The following KCNQ1 variants were observed in gnomAD, a reference collection of about 807,000 sequenced individuals.
KCNQ1 encodes potassium voltage-gated channel subfamily Q member 1.
KCNQ1 carries 49 observed loss-of-function variants against 72.4 expected under a neutral mutation model. The observed-to-expected ratio is 0.68, with a 90% CI of 0.54 to 0.86. The LOEUF (loss-of-function observed/expected upper bound fraction) is 0.86. Ranked by LOEUF, KCNQ1 falls within the 40% of genes least tolerant of loss-of-function variation. KCNQ1 has a pLI of 0.00. For synonymous variants in KCNQ1, 450 were observed against 412.6 expected (o/e 1.09, Z -1.10); for missense variants, 790 against 945.1 (o/e 0.84, Z 2.15).
intron 11 of KCNQ1, chr11:2,662,998 G>A (rs1303605270): frequency 7.5e-6 from 3 of 398,654 alleles, no homozygotes; most frequent in Non-Finnish European, 1.3e-5. Context: ...GCCTGGCCTT[G>A]CAAATCACTG....
chr11:2,778,144 C>A lies in KCNQ1; in HGVS notation c.1794+107C>A, dbSNP rs1458000327. On this transcript the variant is annotated intron_variant, in intron 15 of 15. Coordinates refer to ENST00000155840, the MANE Select transcript of KCNQ1 (RefSeq NM_000218.3). ...GTGAAGCTCCTGCAGGCCTCCCCAC[C>A]TTCCCGCCAGTGCCTACTGCAGCCT... 1.8e-5 allele frequency: 20 copies of A among 1,109,098 alleles called. No homozygotes were observed. In the East Asian group the frequency reaches 4.6e-4, roughly 26 times the overall value. 68.7% of individuals were successfully genotyped at this position (1,109,098 alleles called of 1,614,324 possible).
chr11:2,847,864 C>T lies in KCNQ1; in HGVS notation c.1892C>T (p.Pro631Leu), dbSNP rs1432436411. 2.5e-6 allele frequency: 4 copies of T among 1,577,268 alleles called. No individual in the cohort carries two copies. The Admixed American group carries it at 5.4e-5, about 21-fold the overall frequency. ...AGCACCCCCGGCAGCGGCGGCCCCC[C>T]CAGAGAGGGCGGGGCCCACATCACC... is the stretch of plus-strand genomic sequence containing the variant. ...GGSTPGSGGP[P>L]REGGAHITQP... is the part of the protein sequence containing the mutation. The change falls in exon 16 of 16, where the codon CCC becomes CTC. Residue 631 changes from proline to leucine, a missense_variant. By Grantham distance (98) the Pro-to-Leu change is moderately conservative. Coordinates refer to ENST00000155840, the MANE Select transcript of KCNQ1 (RefSeq NM_000218.3).
At chr11:2,470,495 C>T (rs188795094) in intron 1 of KCNQ1, among the ~76,000 whole-genome samples, 6 of 152,100 alleles carry the variant, frequency 3.9e-5, no homozygotes, top group Non-Finnish European at 7.4e-5. Flanking sequence ...CTCGTCTCGC[C>T]TTTGTTCTGT....
In KCNQ1 at chr11:2,777,972, A is replaced by G. The variant is rs1359690225; in HGVS notation, c.1733-4A>G. 1.9e-6 allele frequency: 3 copies of G among 1,613,688 alleles called. No homozygotes were observed. In the South Asian group the frequency reaches 3.3e-5, roughly 18 times the overall value. On this transcript the variant is annotated splice_polypyrimidine_tract_variant and splice_region_variant and intron_variant, in intron 14 of 15. Transcript: ENST00000155840. ...CCCTGATTTGGGTGTTTTATCCCCC[A>G]TAGAAAAGAGCAAGGATCGCGGCAG...
chr11:2,521,425 G>C (rs1266288215), intron 1 of KCNQ1: 1 of 451,346 alleles, frequency 2.2e-6, no homozygotes, highest in South Asian at 1.6e-5. Flanking sequence ...CATGCATGAT[G>C]CTTTCAGACT....
In KCNQ1 at chr11:2,612,592, C is replaced by A. The variant is rs1040405259; in HGVS notation, c.1393+23738C>A. 5.0e-6 allele frequency: 2 copies of A among 398,378 alleles called. No homozygotes were observed. Among genetic ancestry groups the A allele is most frequent in the African/African-American group, 4.1e-5 (2 of 48,608 alleles). The allele number at this position is 398,378 out of a possible 1,614,324, so 24.7% of individuals were successfully genotyped here. A position where few individuals can be genotyped will look rare whatever the true frequency, so the allele number is the denominator to read the frequency against. ...CAACTACAGAATTTCTATTTGGTTT[C>A]TAATTTCTATCTCTATATTGATATT... On this transcript the variant is annotated intron_variant, in intron 10 of 15. Transcript: ENST00000155840. This position sits in a 1 kb window ranked among gnomAD's most constrained non-coding sequence, Gnocchi z 5.5.
Position 2,759,909 on chromosome 11 carries a change from C to T in KCNQ1, c.1515-8935C>T, listed in dbSNP as rs1846362476. Among the ~76,000 whole-genome samples the T allele has an allele frequency of 6.6e-6, 1 of 152,186 alleles. No individual in the cohort carries two copies. The highest frequency in any genetic ancestry group is 2.4e-5 in the African/African-American group (1 of 41,438). On this transcript the variant is annotated intron_variant, in intron 11 of 15. Coordinates refer to ENST00000155840, the MANE Select transcript of KCNQ1 (RefSeq NM_000218.3). The surrounding 1 kb of genome is among the most constrained non-coding windows in gnomAD (Gnocchi z 4.4). ...CCCCCTGGAGTCACCTCCAGCCCTC[C>T]CACATGCCAGCCCCTACCCTGGGCC...
chr11:2,821,325 G>T (rs1450889555), intron 15 of KCNQ1, among the ~76,000 whole-genome samples: 4 of 152,234 alleles, frequency 2.6e-5, no homozygotes, highest in Non-Finnish European at 4.4e-5. Context: ...CCGTGGGCCT[G>T]GCAAGGGTTG....
chr11:2,714,683 T>G (rs1590048233), intron 11 of KCNQ1, among the ~76,000 whole-genome samples: 1 of 151,610 alleles, frequency 6.6e-6, no homozygotes. Context: ...GCCTGGGAGG[T>G]GAAGGCACCA....
Position 2,642,037 on chromosome 11 carries a change from T to G in KCNQ1, c.1394-19924T>G, listed in dbSNP as rs1204610891. ...TGCTTTTAATGCTATAGCCTTATAT[T>G]TTTAAATCAGGCAGTGTGATGCATC... On this transcript the variant is annotated intron_variant, in intron 10 of 15. Coordinates refer to ENST00000155840, the MANE Select transcript of KCNQ1 (RefSeq NM_000218.3). This position sits in a 1 kb window ranked among gnomAD's most constrained non-coding sequence, Gnocchi z 4.3. The G allele has an allele frequency of 5.0e-6, 2 of 398,346 alleles. No homozygotes were observed. Among genetic ancestry groups the G allele is most frequent in the Non-Finnish European group, 8.9e-6 (2 of 225,960 alleles). The allele number at this position is 398,346 out of a possible 1,614,324, so 24.7% of individuals were successfully genotyped here.
chr11:2,797,610 T>C (rs1052667885), intron 15 of KCNQ1, among the ~76,000 whole-genome samples: 1 of 151,972 alleles, frequency 6.6e-6, no homozygotes, highest in Non-Finnish European at 1.5e-5. Flanking sequence ...ACCGCCTTCT[T>C]GTATGTCTTG....
rs1009525833 is a variant in KCNQ1, at chr11:2,734,968, G to A, written c.1515-33876G>A. Among the ~76,000 whole-genome samples the A allele has an allele frequency of 9.9e-5, 15 of 152,032 alleles. No homozygotes were observed. Among genetic ancestry groups the A allele is most frequent in the African/African-American group, 3.4e-4 (14 of 41,392 alleles). ...GCGACACATGTGCCCCGGAGTGGCC[G>A]CGTGCCCAGCCGGCTGTGCACGCTG... On this transcript the variant is annotated intron_variant, in intron 11 of 15. Coordinates refer to ENST00000155840, the MANE Select transcript of KCNQ1 (RefSeq NM_000218.3). This position sits in a 1 kb window ranked among gnomAD's most constrained non-coding sequence, Gnocchi z 7.0.
rs1847298364 is a variant in KCNQ1, at chr11:2,516,971, G to A, written c.387-10957G>A. ...ACCTGTCCCTCTAGGGCCTCTGAAGGGCTTTGACGTGACACTCGGGATGGC... is the reference window on the plus strand; with the variant it reads ...ACCTGTCCCTCTAGGGCCTCTGAAGAGCTTTGACGTGACACTCGGGATGGC... On this transcript the variant is annotated intron_variant, in intron 1 of 15. Transcript: ENST00000155840. The surrounding 1 kb of genome is among the most constrained non-coding windows in gnomAD (Gnocchi z 7.0). 6.6e-6 allele frequency among the ~76,000 whole-genome samples: 1 copy of A among 152,150 alleles called. No individual in the cohort carries two copies. The highest frequency in any genetic ancestry group is 6.5e-5 in the Admixed American group (1 of 15,284).
In KCNQ1 at chr11:2,678,731, G is replaced by A. The variant is rs572946605; in HGVS notation, c.1514+16650G>A. 4 of 398,608 alleles carry A rather than the reference G, an allele frequency of 1.0e-5. No homozygotes were observed. The highest frequency in any genetic ancestry group is 1.8e-5 in the Non-Finnish European group (4 of 226,066). The allele number at this position is 398,608 out of a possible 1,614,324, so 24.7% of individuals were successfully genotyped here. A position where few individuals can be genotyped will look rare whatever the true frequency, so the allele number is the denominator to read the frequency against. On this transcript the variant is annotated intron_variant, in intron 11 of 15. Transcript: ENST00000155840. This position sits in a 1 kb window ranked among gnomAD's most constrained non-coding sequence, Gnocchi z 4.9. ...AGATTTAAACACAGGATTAGCTCTT[G>A]AGTTAGACAGGAAGCTGGGGTGTTT...
chr11:2,736,435 G>C (rs1845957540), intron 11 of KCNQ1, among the ~76,000 whole-genome samples: 1 of 152,148 alleles, frequency 6.6e-6, no homozygotes, highest in Non-Finnish European at 1.5e-5. Context: ...GTGACCAGTG[G>C]GCTTGGGAGA....
rs397508087 is a variant in KCNQ1 at position 2,588,798 on chromosome 11, AC to A, written c.1343del (p.Pro448GlnfsTer18). 3.7e-6 allele frequency: 6 copies of A among 1,612,818 alleles called. No individual in the cohort carries two copies. The highest frequency in any genetic ancestry group is 5.1e-6 in the Non-Finnish European group (6 of 1,179,848). On this transcript the variant is annotated frameshift_variant, in exon 10 of 16. Transcript: ENST00000155840. LOFTEE classifies it high-confidence loss of function. The surrounding 1 kb of genome is among the most constrained non-coding windows in gnomAD (Gnocchi z 5.6). ...CTCACAGTCCCCCATATCACGTGCG[AC>A]CCCCCAGAAGAGCGGCGGCTGGACC... ...KMLTVPHITC[D>X]PPEERRLDHF...
rs1280986966 is a variant in KCNQ1 at position 2,824,628 on chromosome 11, G to A, written c.1795-23139G>A. ...GGATGAGGTTGCCTGGCAAGAGATT[G>A]CAGGGAGAGGAGAGAGTGAGAATGG... is the stretch of plus-strand genomic sequence containing the variant. On this transcript the variant is annotated intron_variant, in intron 15 of 15. Transcript: ENST00000155840. This position sits in a 1 kb window ranked among gnomAD's most constrained non-coding sequence, Gnocchi z 5.9. Among the ~76,000 whole-genome samples, 1 of 152,118 alleles carries A rather than the reference G, an allele frequency of 6.6e-6. No individual in the cohort carries two copies. The highest frequency in any genetic ancestry group is 6.5e-5 in the Admixed American group (1 of 15,278).
chr11:2,798,069 C>T (rs1044473717), intron 15 of KCNQ1, among the ~76,000 whole-genome samples: 1 of 152,172 alleles, frequency 6.6e-6, no homozygotes, highest in Non-Finnish European at 1.5e-5. Context: ...AATACTGAGT[C>T]TTGAGTTAGG....
chr11:2,757,983 A>G (rs939920026), intron 11 of KCNQ1, among the ~76,000 whole-genome samples: 4 of 152,218 alleles, frequency 2.6e-5, no homozygotes, highest in East Asian at 1.9e-4. Flanking sequence ...TAGAGGAGAT[A>G]GTATTTAGGA....
Sources: gnomAD v4.1 joint callset for allele counts (sites outside exome capture counted in the v4.1 genomes callset) on GRCh38, gnomAD v4.1.1 for gene constraint, Gnocchi (gnomAD v3.1) non-coding constraint, MANE v1.5 for transcripts, NCBI Gene and HGNC (gene_info 2026-07-23, HGNC 2026-07-21) for gene names.